RAD51: variants seen among roughly 807,000 people sequenced by gnomAD.
RAD51 encodes DNA repair protein RAD51 homolog 1.
RAD51 carries 14 observed loss-of-function variants against 41.5 expected under a neutral mutation model. The ratio of observed to expected loss-of-function variants is 0.34; its 90% CI spans 0.22 to 0.53. RAD51 has a LOEUF of 0.53. Ranked by LOEUF, RAD51 falls within the 20% of genes least tolerant of loss-of-function variation. The pLI, the probability that RAD51 is intolerant of heterozygous loss-of-function variation, is 0.95. For synonymous variants in RAD51, 136 were observed against 148.6 expected (o/e 0.92, Z 0.62); for missense variants, 234 against 422.0 (o/e 0.55, Z 3.90).
intron 6 of RAD51, among the ~76,000 whole-genome samples, chr15:40,720,017 G>C (rs184054418): frequency 6.6e-6 from 1 of 152,176 alleles, no homozygotes; most frequent in Non-Finnish European, 1.5e-5. Context: ...TAAGGGACCA[G>C]TTTTTCATTT....
intron 4 of RAD51, among the ~76,000 whole-genome samples, chr15:40,707,663 C>G (rs1174446674): frequency 1.3e-5 from 2 of 152,098 alleles, no homozygotes; most frequent in Admixed American, 6.6e-5. Flanking sequence ...GAGGTTAACA[C>G]TGCAGAAGGC....
intron 8 of RAD51, 103 bp from the exon 9 acceptor site, chr15:40,729,750 G>C: frequency 6.2e-7 from 1 of 1,610,470 alleles, no homozygotes; most frequent in Non-Finnish European, 8.5e-7. Flanking sequence ...AGGAAGAAGA[G>C]AGACATTAGT....
intron 6 of RAD51, among the ~76,000 whole-genome samples, chr15:40,726,557 G>A (rs1432985533): frequency 6.6e-6 from 1 of 151,774 alleles, no homozygotes; most frequent in Non-Finnish European, 1.5e-5. Flanking sequence ...GCCTGCCCAG[G>A]AATTTGTTTT....
chr15:40,698,883 G>T, intron 2 of RAD51, 38 bp downstream of exon 2: 1 of 1,576,594 alleles, frequency 6.3e-7, no homozygotes, highest in Non-Finnish European at 8.7e-7. Flanking sequence ...TTATATACTA[G>T]ATTCTTCTAC....
intron 3 of RAD51, among the ~76,000 whole-genome samples, 160 bp downstream of exon 3, chr15:40,701,361 CTTTTTTTTTTCTTTCT>C (rs1894977705): frequency 7.2e-6 from 1 of 139,830 alleles, no homozygotes; most frequent in Non-Finnish European, 1.5e-5. Flanking sequence ...CTTTTCTTTT[CTTTTTTTTTTCTTTCT>C]TTTTTTTTTT....
chr15:40,703,318 C>A (rs45481096), intron 3 of RAD51, among the ~76,000 whole-genome samples: 6 of 152,102 alleles, frequency 3.9e-5, no homozygotes, highest in Admixed American at 3.3e-4. Flanking sequence ...TCAGGTAATC[C>A]GCCCATCTCA....
chr15:40,706,212 C>T lies in RAD51; in HGVS notation c.261C>T (p.Thr87=), dbSNP rs1895328477. The stretch of plus-strand genomic sequence containing the variant: ...CTAAATTAGTTCCAATGGGTTTCAC[C>T]ACTGCAACTGAATTCCACCAAAGGC... The part of the protein sequence containing the change: ...EAAKLVPMGF[T]TATEFHQRRS... Residue 87 remains threonine (T), a synonymous_variant, in exon 4 of 10, where the codon ACC becomes ACT. Transcript: ENST00000267868. 2.5e-6 allele frequency: 4 copies of T among 1,613,940 alleles called. No homozygotes were observed. The South Asian group carries it at 3.3e-5, about 13-fold the overall frequency.
chr15:40,730,117 C>T (rs1896792004), intron 9 of RAD51, 143 bp downstream of exon 9: 2 of 1,203,404 alleles, frequency 1.7e-6, no homozygotes, highest in East Asian at 5.1e-5. Flanking sequence ...AATTAACATG[C>T]TCTCGTTGGT....
intron 6 of RAD51, among the ~76,000 whole-genome samples, chr15:40,726,912 C>CA (rs529781901): frequency 0.54 from 64,450 of 120,294 alleles, 16,275 homozygotes; most frequent in East Asian, 0.77. Flanking sequence ...GACTCCGTCT[C>CA]AAAAAAAAAA....
rs138071446 is a variant in RAD51, at chr15:40,725,624, A to G, written c.531-3087A>G. Among the ~76,000 whole-genome samples the G allele has an allele frequency of 1.5e-3, 223 of 152,250 alleles. 2 individuals carry two copies. In the East Asian group the frequency reaches 0.026, roughly 18 times the overall value. The stretch of plus-strand genomic sequence containing the variant: ...TACTTGAGAACTTGTTAGAAATGCA[A>G]ATTGTCTGATGGGACTTCAGATCTA... On this transcript the variant is annotated intron_variant, in intron 6 of 9. Transcript: ENST00000267868.
chr15:40,699,827 C>G (rs1196651653), intron 2 of RAD51, among the ~76,000 whole-genome samples: 1 of 152,098 alleles, frequency 6.6e-6, no homozygotes, highest in East Asian at 1.9e-4. Context: ...CTATTTCTGC[C>G]CATTGTATAG....
chr15:40,718,818 G>T lies in RAD51; in HGVS notation c.449G>T (p.Arg150Leu). Residue 150 changes from arginine (R) to leucine (L), a missense_variant, in exon 6 of 10, where the codon CGG becomes CTG. By Grantham distance (102) the Arg-to-Leu change is moderately radical. This residue lies in a region of RAD51 where 134 missense variants were observed against 286.5 expected (regional missense o/e 0.47). Transcript: ENST00000267868. ...LAVTCQLPIDRGGGEGKAMYI... is the reference protein window; with the variant it reads ...LAVTCQLPIDLGGGEGKAMYI... ...TGTTCTCTATAGCTTCCCATTGACC[G>T]GGGTGGAGGTGAAGGAAAGGCCATG... The T allele has an allele frequency of 6.2e-7, 1 of 1,611,104 alleles. No homozygotes were observed. The highest frequency in any genetic ancestry group is 8.5e-7 in the Non-Finnish European group (1 of 1,177,494).
intron 5 of RAD51, among the ~76,000 whole-genome samples, chr15:40,716,983 T>G (rs1896023422): frequency 6.6e-6 from 1 of 152,002 alleles, no homozygotes. Context: ...ACTTTTATAT[T>G]GTTTAGATTT....
At position 40,703,305 on chromosome 15, in the gene RAD51, G is replaced by A. The variant is rs1458569129; in HGVS notation, c.225+2104G>A. Reference sequence around the variant, plus strand: ...TGGCCAGGCTGGTCTCAAAATCCTGGCCTCAGGTAATCCGCCCATCTCAGT... The same window carrying A: ...TGGCCAGGCTGGTCTCAAAATCCTGACCTCAGGTAATCCGCCCATCTCAGT... On this transcript the variant is annotated intron_variant, in intron 3 of 9. Coordinates refer to ENST00000267868, the MANE Select transcript of RAD51 (RefSeq NM_002875.5). Among the ~76,000 whole-genome samples the A allele has an allele frequency of 2.6e-5, 4 of 152,220 alleles. No individual in the cohort carries two copies. The East Asian group carries it at 7.7e-4, about 29-fold the overall frequency.
intron 5 of RAD51, among the ~76,000 whole-genome samples, chr15:40,711,161 A>G (rs1335518608): frequency 1.3e-5 from 2 of 152,200 alleles, no homozygotes; most frequent in African/African-American, 4.8e-5. Context: ...TTGGGAAGCC[A>G]AAGTGGGAGG....
chr15:40,710,330 T>A (rs4924498), intron 5 of RAD51, among the ~76,000 whole-genome samples: 1 of 139,936 alleles, frequency 7.1e-6, no homozygotes, highest in East Asian at 2.1e-4. Flanking sequence ...GGTGAAACCC[T>A]GTCTCTACTA....
At chr15:40,728,684 C>T in intron 6 of RAD51, 27 bp from the exon 7 acceptor site, 1 of 1,587,622 alleles carries the variant, frequency 6.3e-7, no homozygotes, top group Non-Finnish European at 8.6e-7. Context: ...TGTGTGCAGC[C>T]TAAAAATGTT....
intron 3 of RAD51, chr15:40,701,828 G>C (rs1455987913): frequency 1.5e-5 from 4 of 265,234 alleles, no homozygotes; most frequent in Non-Finnish European, 2.9e-5. Flanking sequence ...TCTGTTGCCA[G>C]GCTGGAGTGC....
intron 3 of RAD51, among the ~76,000 whole-genome samples, chr15:40,705,190 T>C (rs1388882898): frequency 6.6e-6 from 1 of 152,248 alleles, no homozygotes; most frequent in Non-Finnish European, 1.5e-5. Context: ...TTTTGGTATA[T>C]CTTCGTTTTC....
Sources: gnomAD v4.1 joint callset for allele counts (sites outside exome capture counted in the v4.1 genomes callset) on GRCh38, gnomAD v4.1.1 for gene constraint, gnomAD v4.1.1 regional missense constraint, MANE v1.5 for transcripts, NCBI Gene and HGNC (gene_info 2026-07-23, HGNC 2026-07-21) for gene names.